The following TRHDE variants were observed in gnomAD, a reference collection of about 807,000 sequenced individuals.
The protein encoded by TRHDE is thyrotropin releasing hormone degrading enzyme, also known as thyrotropin-releasing hormone-degrading ectoenzyme.
In TRHDE, 72 loss-of-function variants were observed where a neutral mutation model predicts 125.7. The observed-to-expected ratio is 0.57, with a 90% CI of 0.47 to 0.70. The LOEUF is 0.70. TRHDE is among the 30% of genes least tolerant of loss of function. The pLI is 0.00. For missense variants in TRHDE, 1,110 were observed against 1,327.1 expected (o/e 0.84, Z 2.54); for synonymous variants, 509 against 509.1 (o/e 1.00, Z 0.00).
intron 2 of TRHDE, among the ~76,000 whole-genome samples, chr12:72,209,326 G>T (rs1322826377): frequency 6.6e-6 from 1 of 152,216 alleles, no homozygotes; most frequent in Admixed American, 6.5e-5. Flanking sequence ...TGGTGACATG[G>T]TTCCCCAGAG....
At chr12:72,099,486 T>A (rs1875016910) in intron 1 of TRHDE, among the ~76,000 whole-genome samples, 1 of 152,234 alleles carries the variant, frequency 6.6e-6, no homozygotes, top group East Asian at 1.9e-4. Flanking sequence ...GGATTGACTA[T>A]GTATAGTTTG....
chr12:72,562,334 T>C, intron 8 of TRHDE, 104 bp downstream of exon 8: 1 of 532,914 alleles, frequency 1.9e-6, no homozygotes, highest in South Asian at 3.4e-5. Flanking sequence ...TTGTTTTTAC[T>C]TTTTACATTT....
At chr12:72,294,011 A>G (rs1320655174) in intron 2 of TRHDE, among the ~76,000 whole-genome samples, 1 of 152,168 alleles carries the variant, frequency 6.6e-6, no homozygotes, top group African/African-American at 2.4e-5. Flanking sequence ...GTGCACCACA[A>G]GCGGCTTTCA....
chr12:72,412,312 C>G (rs1873546802), intron 3 of TRHDE, among the ~76,000 whole-genome samples: 1 of 151,944 alleles, frequency 6.6e-6, no homozygotes, highest in Non-Finnish European at 1.5e-5. Flanking sequence ...TTCAAATGGT[C>G]AATGTGTATA....
Position 72,421,922 on chromosome 12 carries a change from G to T in TRHDE, c.1315+43801G>T, listed in dbSNP as rs117377933. Among the ~76,000 whole-genome samples the T allele has an allele frequency of 1.3e-4, 20 of 152,178 alleles. 2 individuals carry two copies. The East Asian group carries it at 3.7e-3, about 28-fold the overall frequency. On this transcript the variant is annotated intron_variant, in intron 3 of 18. Transcript: ENST00000261180. ...ATATACTCATATATCCTATTAAATAGAAATGTGTAAACCAGAATGCCAAAT... is the reference window on the plus strand; with the variant it reads ...ATATACTCATATATCCTATTAAATATAAATGTGTAAACCAGAATGCCAAAT...
chr12:72,454,203 AT>A (rs1473337771), intron 3 of TRHDE, among the ~76,000 whole-genome samples: 3 of 152,152 alleles, frequency 2.0e-5, no homozygotes, highest in Admixed American at 6.6e-5. Flanking sequence ...TTTAAAAAAA[AT>A]ATGTAATCAA....
chr12:72,310,130 A>G (rs1451059544), intron 2 of TRHDE, among the ~76,000 whole-genome samples: 3 of 152,084 alleles, frequency 2.0e-5, no homozygotes, highest in Admixed American at 1.3e-4. Flanking sequence ...CTGGAGCCCT[A>G]TTGCCTGTGT....
chr12:72,290,365 G>T (rs1480419611), intron 2 of TRHDE, among the ~76,000 whole-genome samples: 1 of 152,152 alleles, frequency 6.6e-6, no homozygotes, highest in Non-Finnish European at 1.5e-5. Context: ...TGCAACCTTT[G>T]TTAATTACCT....
intron 7 of TRHDE, among the ~76,000 whole-genome samples, chr12:72,558,102 G>A (rs1165298957): frequency 1.3e-5 from 2 of 152,152 alleles, no homozygotes; most frequent in East Asian, 3.9e-4. Flanking sequence ...AAAGATGTTG[G>A]TTAAATAGTG....
At chr12:72,166,565 T>C (rs974602367) in intron 2 of TRHDE, among the ~76,000 whole-genome samples, 2 of 152,214 alleles carry the variant, frequency 1.3e-5, no homozygotes, top group Non-Finnish European at 2.9e-5. Flanking sequence ...TCATAAATTA[T>C]GGCATAATCA....
At chr12:72,217,695 A>G (rs1002689649) in intron 2 of TRHDE, among the ~76,000 whole-genome samples, 6 of 152,200 alleles carry the variant, frequency 3.9e-5, no homozygotes, top group African/African-American at 1.4e-4. Context: ...CAGAATGCTA[A>G]GTGAAACAGA....
chr12:72,193,196 C>T (rs1012053021), intron 2 of TRHDE, among the ~76,000 whole-genome samples: 1 of 151,824 alleles, frequency 6.6e-6, no homozygotes, highest in African/African-American at 2.4e-5. Flanking sequence ...GCTGTGTAGT[C>T]ACCCTAAAGC....
At chr12:72,296,476 G>C (rs536708770) in intron 2 of TRHDE, among the ~76,000 whole-genome samples, 10 of 152,152 alleles carry the variant, frequency 6.6e-5, no homozygotes, top group African/African-American at 2.2e-4. Flanking sequence ...ACAAAGAACT[G>C]TCTCTGTTCT....
chr12:72,626,584 C>A (rs1360235146), intron 15 of TRHDE, among the ~76,000 whole-genome samples: 1 of 151,876 alleles, frequency 6.6e-6, no homozygotes, highest in Non-Finnish European at 1.5e-5. Flanking sequence ...GCCCCTTTTC[C>A]CCTATTTTGA....
chr12:72,439,753 T>C (rs922232931), intron 3 of TRHDE, among the ~76,000 whole-genome samples: 2 of 151,906 alleles, frequency 1.3e-5, no homozygotes, highest in African/African-American at 4.8e-5. Context: ...TCTTGCTTAA[T>C]TGCTCTGGGT....
intron 3 of TRHDE, among the ~76,000 whole-genome samples, chr12:72,457,564 T>G (rs766541631): frequency 4.9e-4 from 74 of 152,160 alleles, no homozygotes; most frequent in Non-Finnish European, 9.3e-4. Context: ...CGGCGTTTTT[T>G]TTTTCCTCAG....
chr12:72,431,018 T>C (rs940318439), intron 3 of TRHDE, among the ~76,000 whole-genome samples: 3 of 152,106 alleles, frequency 2.0e-5, no homozygotes, highest in African/African-American at 7.2e-5. Context: ...TTTGATGTTA[T>C]TGTAGATGGA....
chr12:72,666,256 C>G lies in TRHDE; in HGVS notation c.*3061C>G, dbSNP rs1171841152. 6.6e-6 allele frequency: 1 copy of G among 151,946 alleles called. No individual in the cohort carries two copies. Among genetic ancestry groups the G allele is most frequent in the Non-Finnish European group, 1.5e-5 (1 of 67,980 alleles). 9.4% of individuals were successfully genotyped at this position (151,946 alleles called of 1,614,324 possible). Reference sequence around the variant, plus strand: ...AGGTAGCAACATGAGCTATTTAAAACTACAAAATAGGGCTGGGCACAGTGG... The same window carrying G: ...AGGTAGCAACATGAGCTATTTAAAAGTACAAAATAGGGCTGGGCACAGTGG... On this transcript the variant is annotated 3_prime_UTR_variant, in exon 19 of 19. Coordinates refer to ENST00000261180, the MANE Select transcript of TRHDE (RefSeq NM_013381.3).
chr12:72,458,114 A>G (rs2135881085), intron 3 of TRHDE, among the ~76,000 whole-genome samples: 1 of 152,230 alleles, frequency 6.6e-6, no homozygotes, highest in South Asian at 2.1e-4. Flanking sequence ...CCCTCCCTTC[A>G]GGTGATGGTG....
Sources: allele counts gnomAD v4.1 joint callset (sites outside exome capture counted in the v4.1 genomes callset), GRCh38; gene constraint gnomAD v4.1.1; transcripts MANE v1.5; gene names NCBI Gene and HGNC (gene_info 2026-07-23, HGNC 2026-07-21).